The following PRKN variants were observed in gnomAD, a reference collection of about 807,000 sequenced individuals.
PRKN encodes parkin RBR E3 ubiquitin protein ligase.
PRKN carries 56 observed loss-of-function variants against 59.5 expected under a neutral mutation model. The ratio of observed to expected loss-of-function variants is 0.94; its 90% CI spans 0.76 to 1.18. PRKN has a LOEUF of 1.18. PRKN is among the 50% of genes most tolerant of loss of function. The probability of loss-of-function intolerance (pLI) is 0.00; values close to 1 mark genes in which losing one functional copy is unlikely to be tolerated. For synonymous variants in PRKN, 250 were observed against 222.1 expected, an observed-to-expected ratio of 1.13 and a Z score of -1.12; for missense variants, 657 against 596.4, an observed-to-expected ratio of 1.10 and a Z score of -1.06.
Position 162,216,301 on chromosome 6 carries a change from C to A in PRKN, c.413-15049G>T, listed in dbSNP as rs546275189. 3.6e-3 allele frequency among the ~76,000 whole-genome samples: 539 copies of A among 151,586 alleles called. 4 individuals are homozygous for A. The highest frequency in any genetic ancestry group is 0.013 in the African/African-American group (519 of 41,352). ...ATCCCAGCACTTTGGGAGGCCGAGG[C>A]GGGTGGATCATGAGGTCAGGAGATC... On this transcript the variant is annotated intron_variant, in intron 3 of 11. Coordinates refer to ENST00000366898, the MANE Select transcript of PRKN (RefSeq NM_004562.3).
rs999199237 is a variant in PRKN, at chr6:162,420,796, A to G, written c.171+22514T>C. ...AGATAAGCAGGAAAAAGATGGGGAC[A>G]CTTACAGTTTTAACGGCTTACCTCT... is the stretch of plus-strand genomic sequence containing the variant. On this transcript the variant is annotated intron_variant, in intron 2 of 11. Transcript: ENST00000366898. Among the ~76,000 whole-genome samples, 8 of 152,236 alleles carry G rather than the reference A, an allele frequency of 5.3e-5. No homozygotes were observed. In the East Asian group the frequency reaches 1.5e-3, roughly 29 times the overall value.
intron 1 of PRKN, among the ~76,000 whole-genome samples, chr6:162,586,482 A>T (rs1310531754): frequency 1.3e-5 from 2 of 152,188 alleles, no homozygotes; most frequent in Non-Finnish European, 2.9e-5. Context: ...TGACTGAGAC[A>T]CATTATCACC....
intron 2 of PRKN, among the ~76,000 whole-genome samples, chr6:162,376,878 G>A (rs1483251251): frequency 1.5e-5 from 2 of 130,060 alleles, no homozygotes; most frequent in African/African-American, 2.8e-5. Context: ...GGAAGAGGGG[G>A]AGAGGGAGAG....
At chr6:162,120,214 G>T (rs1170925686) in intron 4 of PRKN, among the ~76,000 whole-genome samples, 2 of 152,156 alleles carry the variant, frequency 1.3e-5, no homozygotes, top group African/African-American at 4.8e-5. Flanking sequence ...CTGTTGCTAA[G>T]GCTGGTATGG....
In PRKN at chr6:162,132,913, G is replaced by A. The variant is rs149093143; in HGVS notation, c.534+68218C>T. On this transcript the variant is annotated intron_variant, in intron 4 of 11. Transcript: ENST00000366898. ...AGGCAGAAAGAACAGAATGTACAAA[G>A]GTCCTGATGCAGGAGCTCAGTAACG... is the stretch of plus-strand genomic sequence containing the variant. 1.4e-3 allele frequency among the ~76,000 whole-genome samples: 206 copies of A among 152,286 alleles called. 1 individual carries two copies. The highest frequency in any genetic ancestry group is 4.5e-3 in the African/African-American group (189 of 41,566).
intron 7 of PRKN, among the ~76,000 whole-genome samples, chr6:161,655,810 CAT>C (rs1380815317): frequency 6.6e-6 from 1 of 150,732 alleles, no homozygotes; most frequent in Non-Finnish European, 1.5e-5. Context: ...TGAGTTGACA[CAT>C]GTTGATTATT....
chr6:161,658,040 G>GA (rs1303868892), intron 7 of PRKN, among the ~76,000 whole-genome samples: 1 of 107,848 alleles, frequency 9.3e-6, no homozygotes, highest in Non-Finnish European at 2.0e-5. Flanking sequence ...AAAAAGAAAA[G>GA]AAAAGAAAAA....
chr6:161,477,739 T>G (rs1791176204), intron 9 of PRKN, among the ~76,000 whole-genome samples: 1 of 152,190 alleles, frequency 6.6e-6, no homozygotes, highest in Non-Finnish European at 1.5e-5. Context: ...AATAGATACA[T>G]CATGTTATTA....
chr6:161,780,929 T>C (rs1337492420), intron 7 of PRKN, among the ~76,000 whole-genome samples: 1 of 152,240 alleles, frequency 6.6e-6, no homozygotes, highest in Non-Finnish European at 1.5e-5. Flanking sequence ...TAATTGGATA[T>C]ACAGTTTTTA....
intron 7 of PRKN, among the ~76,000 whole-genome samples, chr6:161,679,682 C>CA (rs1328388757): frequency 4.9e-4 from 66 of 134,288 alleles, no homozygotes; most frequent in African/African-American, 1.7e-3. Flanking sequence ...CCACCCCCCC[C>CA]CCTTTTTTTT....
intron 1 of PRKN, among the ~76,000 whole-genome samples, chr6:162,519,860 CTATT>C (rs1472985754): frequency 1.3e-5 from 2 of 152,148 alleles, no homozygotes; most frequent in Non-Finnish European, 1.5e-5. Context: ...AATCTAAAAA[CTATT>C]CATGATTTAG....
chr6:161,750,904 C>T (rs772310674), intron 7 of PRKN, among the ~76,000 whole-genome samples: 31 of 151,584 alleles, frequency 2.0e-4, no homozygotes, highest in African/African-American at 2.7e-4. Flanking sequence ...TATTAGTCAT[C>T]GAAAAGGAAT....
In PRKN at chr6:161,466,778, G is replaced by C. The variant is rs1445161432; in HGVS notation, c.1084-79901C>G. On this transcript the variant is annotated intron_variant, in intron 9 of 11. Transcript: ENST00000366898. The surrounding 1 kb of genome is among the most constrained non-coding windows in gnomAD (Gnocchi z 5.0). ...AAGTGATTGATAGATTTATTTCAAA[G>C]CTGTCAAGTAGAGCCCAAAAAGAGT... Among the ~76,000 whole-genome samples, 1 of 152,144 alleles carries C rather than the reference G, an allele frequency of 6.6e-6. No individual in the cohort carries two copies. Among genetic ancestry groups the C allele is most frequent in the African/African-American group, 2.4e-5 (1 of 41,430 alleles).
intron 9 of PRKN, among the ~76,000 whole-genome samples, chr6:161,501,295 A>G (rs569924248): frequency 6.6e-6 from 1 of 152,258 alleles, no homozygotes; most frequent in Non-Finnish European, 1.5e-5. Context: ...GGTGGCATCC[A>G]TGTTTTGGGT....
At chr6:162,526,433 T>G (rs1778288375) in intron 1 of PRKN, among the ~76,000 whole-genome samples, 1 of 151,214 alleles carries the variant, frequency 6.6e-6, no homozygotes, top group African/African-American at 2.4e-5. Flanking sequence ...GGGCAGATCA[T>G]GAGGTCAGAA....
chr6:161,965,007 G>A (rs1780522854), intron 6 of PRKN, among the ~76,000 whole-genome samples: 1 of 152,006 alleles, frequency 6.6e-6, no homozygotes, highest in Non-Finnish European at 1.5e-5. Context: ...TGCATTCAAA[G>A]GGAATTGTAA....
At chr6:162,262,287 CAT>C (rs1224923759) in intron 3 of PRKN, among the ~76,000 whole-genome samples, 1 of 152,098 alleles carries the variant, frequency 6.6e-6, no homozygotes, top group Non-Finnish European at 1.5e-5. Flanking sequence ...TCACTAGAAA[CAT>C]ATCTCTTATA....
chr6:162,127,885 C>A (rs1781183858), intron 4 of PRKN, among the ~76,000 whole-genome samples: 1 of 152,194 alleles, frequency 6.6e-6, no homozygotes, highest in African/African-American at 2.4e-5. Context: ...CATCCCTTCA[C>A]TTGCGGGACT....
At chr6:161,660,916 G>T (rs1239454141) in intron 7 of PRKN, among the ~76,000 whole-genome samples, 3 of 152,102 alleles carry the variant, frequency 2.0e-5, no homozygotes, top group Admixed American at 2.0e-4. Context: ...TCAGTAAGTG[G>T]ACACCCAGTC....
Sources: gnomAD v4.1 joint callset for allele counts (sites outside exome capture counted in the v4.1 genomes callset) on GRCh38, gnomAD v4.1.1 for gene constraint, Gnocchi (gnomAD v3.1) non-coding constraint, MANE v1.5 for transcripts, NCBI Gene and HGNC (gene_info 2026-07-23, HGNC 2026-07-21) for gene names.